ATP10B: variants seen among roughly 807,000 people sequenced by gnomAD.
ATP10B encodes phospholipid-transporting ATPase VB.
In ATP10B, 122 loss-of-function variants were observed where a neutral mutation model predicts 141.2. The observed-to-expected ratio is 0.86, with a 90% CI of 0.75 to 1.00. The LOEUF (loss-of-function observed/expected upper bound fraction) is 1.00, where lower values mean the gene tolerates loss of function less well. Ranked by LOEUF, ATP10B falls within the 50% of genes least tolerant of loss-of-function variation. The pLI is 0.00. For missense variants in ATP10B, 1,876 were observed against 1,825.3 expected (o/e 1.03, Z -0.51); for synonymous variants, 685 against 692.0 (o/e 0.99, Z 0.16).
the ATP10B span, among the ~76,000 whole-genome samples, chr5:160,872,842 C>A: frequency 6.6e-6 from 1 of 152,096 alleles, no homozygotes; most frequent in African/African-American, 2.4e-5. Context: ...CTTTGTCTTG[C>A]TTTGACTATG....
chr5:160,803,007 T>C (rs1011770173), intron 1 of ATP10B, among the ~76,000 whole-genome samples: 9 of 152,152 alleles, frequency 5.9e-5, no homozygotes, highest in African/African-American at 2.2e-4. Flanking sequence ...CTGAACTCAC[T>C]CTCCTGCACA....
chr5:160,810,224 T>C lies in ATP10B; in HGVS notation c.-575-24421A>G, dbSNP rs1229794247. Among the ~76,000 whole-genome samples the C allele has an allele frequency of 3.3e-5, 5 of 152,150 alleles. No individual in the cohort carries two copies. In the South Asian group the frequency reaches 8.3e-4, roughly 25 times the overall value. ...TACTAGGTTTTTTGTATATTAATTA[T>C]GTCATCTTCTTTCATAATATGGAAA... On this transcript the variant is annotated intron_variant, in intron 1 of 25. Coordinates refer to ENST00000327245, the MANE Select transcript of ATP10B (RefSeq NM_025153.3).
chr5:160,653,451 GTATA>G lies in ATP10B; in HGVS notation c.676-4199_676-4196del. ...ACATATGTACATACATACATAGGTA[GTATA>G]TATACATATGTACATACATACATAG... On this transcript the variant is annotated intron_variant, in intron 7 of 25. Coordinates refer to ENST00000327245, the MANE Select transcript of ATP10B (RefSeq NM_025153.3). Among the ~76,000 whole-genome samples the G allele has an allele frequency of 7.1e-5, 4 of 56,022 alleles. 1 individual carries two copies. The highest frequency in any genetic ancestry group is 2.4e-4 in the African/African-American group (4 of 16,556). 36.8% of individuals were successfully genotyped at this position (56,022 alleles called of 152,430 possible). A position where few individuals can be genotyped will look rare whatever the true frequency, so the allele number is the denominator to read the frequency against.
At chr5:160,667,877 G>T (rs998616360) in intron 7 of ATP10B, among the ~76,000 whole-genome samples, 7 of 152,090 alleles carry the variant, frequency 4.6e-5, no homozygotes, top group African/African-American at 7.2e-5. Flanking sequence ...TGTTGGGGTA[G>T]GGAGGCTAAA....
chr5:160,844,608 C>T (rs114531371), intron 1 of ATP10B, among the ~76,000 whole-genome samples: 2,490 of 151,378 alleles, frequency 0.016, 32 homozygotes, highest in Non-Finnish European at 0.026. Flanking sequence ...TGTAGTGGCT[C>T]CATATGGGCT....
chr5:160,702,157 G>A (rs1437517207), intron 3 of ATP10B, among the ~76,000 whole-genome samples: 2 of 152,020 alleles, frequency 1.3e-5, no homozygotes, highest in East Asian at 3.8e-4. Flanking sequence ...TCACTTATTT[G>A]ATAAACAAAA....
chr5:160,846,286 T>C (rs557310480), intron 1 of ATP10B, among the ~76,000 whole-genome samples: 8 of 152,116 alleles, frequency 5.3e-5, no homozygotes, highest in Admixed American at 3.9e-4. Flanking sequence ...AGGTACCAAT[T>C]TGGGTATTGT....
Position 160,622,328 on chromosome 5 carries a change from C to T in ATP10B, c.1812+66G>A, listed in dbSNP as rs929405685. 4.9e-5 allele frequency: 73 copies of T among 1,486,706 alleles called. No individual in the cohort carries two copies. In the African/African-American group the frequency reaches 9.5e-4, roughly 19 times the overall value. 92.1% of individuals were successfully genotyped at this position (1,486,706 alleles called of 1,614,324 possible). ...TCCCTGATCAGAACTTCTCCCCTCG[C>T]CCCTACCCTGCCTTCTACTCCTCTA... On this transcript the variant is annotated intron_variant, in intron 14 of 25. Coordinates refer to ENST00000327245, the MANE Select transcript of ATP10B (RefSeq NM_025153.3).
chr5:160,702,703 AC>A lies in ATP10B; in HGVS notation c.-204-13761del, dbSNP rs374716151. Among the ~76,000 whole-genome samples the A allele has an allele frequency of 3.2e-3, 485 of 152,316 alleles. 2 individuals carry two copies. Among genetic ancestry groups the A allele is most frequent in the African/African-American group, 0.011 (462 of 41,584 alleles). On this transcript the variant is annotated intron_variant, in intron 3 of 25. Transcript: ENST00000327245. ...ACTGAATTTTTGAGATTGGTGAATT[AC>A]TGGGGAAGTGTTTTGAAACTCCTTT... is the stretch of plus-strand genomic sequence containing the variant.
chr5:160,679,370 G>C (rs976922630), intron 6 of ATP10B, among the ~76,000 whole-genome samples: 1 of 152,166 alleles, frequency 6.6e-6, no homozygotes, highest in Non-Finnish European at 1.5e-5. Flanking sequence ...ATCATTTCTT[G>C]GTCCTGGTCT....
intron 15 of ATP10B, among the ~76,000 whole-genome samples, chr5:160,619,718 G>A (rs1200790961): frequency 6.6e-6 from 1 of 152,136 alleles, no homozygotes; most frequent in Non-Finnish European, 1.5e-5. Flanking sequence ...TCCAAAATTG[G>A]ACACTGATAT....
At position 160,606,887 on chromosome 5, in the gene ATP10B, T is replaced by C. The variant is rs1757425001; in HGVS notation, c.3038A>G (p.Lys1013Arg). The C allele has an allele frequency of 6.2e-7, 1 of 1,614,152 alleles. No homozygotes were observed. The change falls in exon 19 of 26, where the codon AAG (lysine) becomes AGG (arginine). Residue 1013 changes from lysine (K) to arginine (R), a missense_variant. Transcript: ENST00000327245. The stretch of plus-strand genomic sequence containing the variant: ...ATACTGGGTCAATTCCAGAAACTTC[T>C]TCTCTAGCTTTCCCTGGAAGATGGC... ...LNAIFQGKLE[K>R]KFLELTQYCR...
At position 160,622,491 on chromosome 5, in the gene ATP10B, G is replaced by A. The variant is rs747153050; in HGVS notation, c.1715C>T (p.Ala572Val). 1 of 1,614,146 alleles carries A rather than the reference G, an allele frequency of 6.2e-7. No individual in the cohort carries two copies. Among genetic ancestry groups the A allele is most frequent in the South Asian group, 1.1e-5 (1 of 91,062 alleles). ...ETLSDSRPAK[A>V]SLSTTSSIAD... ...AATGGAGGAGGTGGTGGAGAGGGAA[G>A]CCTTGGCAGGTCTGCTGTCTGACAA... Residue 572 changes from alanine to valine, a missense_variant, in exon 14 of 26, where the codon GCT becomes GTT. Ala to Val is a moderately conservative substitution (Grantham distance 64). Coordinates refer to ENST00000327245, the MANE Select transcript of ATP10B (RefSeq NM_025153.3).
intron 3 of ATP10B, among the ~76,000 whole-genome samples, chr5:160,703,479 TTG>T (rs1406325984): frequency 2.1e-5 from 1 of 46,748 alleles, no homozygotes; most frequent in Non-Finnish European, 4.2e-5. Context: ...TTGATGATAT[TTG>T]TTTTTTTTTT....
intron 2 of ATP10B, among the ~76,000 whole-genome samples, chr5:160,783,704 AG>A (rs905051318): frequency 5.3e-5 from 8 of 151,454 alleles, no homozygotes; most frequent in African/African-American, 1.9e-4. Context: ...CGTGTGTGCA[AG>A]TATCTTTTTC....
At position 160,824,168 on chromosome 5, in the gene ATP10B, C is replaced by A. The variant is rs11953021; in HGVS notation, c.-576+27773G>T. 3.9e-3 allele frequency among the ~76,000 whole-genome samples: 598 copies of A among 152,000 alleles called. 4 individuals carry two copies. The highest frequency in any genetic ancestry group is 0.014 in the African/African-American group (564 of 41,480). On this transcript the variant is annotated intron_variant, in intron 1 of 25. Coordinates refer to ENST00000327245, the MANE Select transcript of ATP10B (RefSeq NM_025153.3). The stretch of plus-strand genomic sequence containing the variant: ...TCCCGAGCAGCTGGGACTAGCCCGC[C>A]ACCTCCCCTGGCTAATTTTTTGTAT...
chr5:160,592,995 T>A (rs187628757), intron 22 of ATP10B, among the ~76,000 whole-genome samples: 157 of 152,338 alleles, frequency 1.0e-3, no homozygotes, highest in Non-Finnish European at 1.9e-3. Flanking sequence ...AGGCCACAGA[T>A]GAACAAAAAG....
the ATP10B span, among the ~76,000 whole-genome samples, chr5:160,921,857 C>T: frequency 7.9e-5 from 12 of 152,322 alleles, no homozygotes; most frequent in African/African-American, 2.9e-4. Context: ...TTTTGGGCCT[C>T]ATGACTTATA....
chr5:160,812,338 C>T (rs116413543), intron 1 of ATP10B, among the ~76,000 whole-genome samples: 62 of 152,198 alleles, frequency 4.1e-4, no homozygotes, highest in Non-Finnish European at 8.7e-4. Flanking sequence ...AAATACTTAA[C>T]TATTTAATTA....
Sources: allele counts gnomAD v4.1 joint callset (sites outside exome capture counted in the v4.1 genomes callset), GRCh38; gene constraint gnomAD v4.1.1; transcripts MANE v1.5; gene names NCBI Gene and HGNC (gene_info 2026-07-23, HGNC 2026-07-21).